GABRB1: variants seen among roughly 807,000 people sequenced by gnomAD.
The protein encoded by GABRB1 is gamma-aminobutyric acid type A receptor subunit beta1, also known as gamma-aminobutyric acid receptor subunit beta-1.
A neutral mutation model predicts 51.6 loss-of-function variants in GABRB1; 17 were observed. The ratio of observed to expected loss-of-function variants is 0.33; its 90% CI spans 0.23 to 0.49. The LOEUF is 0.49. Among genes scored for constraint, GABRB1 ranks in the 20% least tolerant of loss-of-function variants. The pLI is 0.99. For missense variants in GABRB1, 410 were observed against 600.6 expected, an observed-to-expected ratio of 0.68 and a Z score of 3.32; for synonymous variants, 247 against 218.9, an observed-to-expected ratio of 1.13 and a Z score of -1.14.
intron 5 of GABRB1, among the ~76,000 whole-genome samples, chr4:47,369,240 A>G (rs1165879364): frequency 6.6e-6 from 1 of 152,212 alleles, no homozygotes; most frequent in East Asian, 1.9e-4. Flanking sequence ...GACAGAGGAT[A>G]GGACTGGGGA....
At chr4:47,329,676 T>C (rs763384624) in intron 5 of GABRB1, among the ~76,000 whole-genome samples, 5 of 148,454 alleles carry the variant, frequency 3.4e-5, no homozygotes, top group African/African-American at 7.4e-5. Flanking sequence ...ATATAAAATA[T>C]ATATGTATCT....
chr4:47,189,246 G>A (rs1212549342), intron 4 of GABRB1, among the ~76,000 whole-genome samples: 2 of 151,854 alleles, frequency 1.3e-5, no homozygotes, highest in Non-Finnish European at 2.9e-5. Flanking sequence ...GGAGTGAATG[G>A]AGAGTACCAT....
chr4:47,110,864 T>C lies in GABRB1; in HGVS notation c.241-50385T>C, dbSNP rs1263904217. Among the ~76,000 whole-genome samples, 4 of 152,146 alleles carry C rather than the reference T, an allele frequency of 2.6e-5. No homozygotes were observed. The South Asian group carries it at 6.2e-4, about 24-fold the overall frequency. On this transcript the variant is annotated intron_variant, in intron 3 of 8. Transcript: ENST00000295454. Reference sequence around the variant, plus strand: ...TGAGTTTCAATTCATTCAACAAATATTTATTGAGATCTCACCATATGCCAG... The same window carrying C: ...TGAGTTTCAATTCATTCAACAAATACTTATTGAGATCTCACCATATGCCAG...
At chr4:47,294,880 C>T (rs555412371) in intron 4 of GABRB1, among the ~76,000 whole-genome samples, 46 of 152,302 alleles carry the variant, frequency 3.0e-4, no homozygotes, top group African/African-American at 9.4e-4. Context: ...ACTGACACCT[C>T]ACACGGCCGG....
At chr4:47,136,437 A>C (rs1426736024) in intron 3 of GABRB1, among the ~76,000 whole-genome samples, 1 of 152,124 alleles carries the variant, frequency 6.6e-6, no homozygotes, top group East Asian at 1.9e-4. Context: ...GTAACTGCTA[A>C]TTCAATTAAA....
At chr4:47,376,135 T>C (rs1259875925) in intron 5 of GABRB1, among the ~76,000 whole-genome samples, 1 of 152,150 alleles carries the variant, frequency 6.6e-6, no homozygotes, top group Non-Finnish European at 1.5e-5. Flanking sequence ...GACTAAAATG[T>C]TCCCAAAGGA....
At chr4:47,422,266 T>C (rs949234618) in intron 8 of GABRB1, among the ~76,000 whole-genome samples, 1 of 152,214 alleles carries the variant, frequency 6.6e-6, no homozygotes, top group African/African-American at 2.4e-5. Context: ...TTTGCCTTTC[T>C]CAATCCTTCT....
At chr4:47,050,985 G>T (rs1726324888) in intron 3 of GABRB1, among the ~76,000 whole-genome samples, 1 of 152,062 alleles carries the variant, frequency 6.6e-6, no homozygotes, top group Non-Finnish European at 1.5e-5. Context: ...CTCGGGTTTT[G>T]TGTGTGCCCT....
chr4:47,352,294 A>G (rs1363300931), intron 5 of GABRB1, among the ~76,000 whole-genome samples: 1 of 152,204 alleles, frequency 6.6e-6, no homozygotes, highest in Non-Finnish European at 1.5e-5. Context: ...AACTAAAAAG[A>G]GTCCAGGACC....
intron 1 of GABRB1, among the ~76,000 whole-genome samples, chr4:47,000,602 A>C (rs1173070308): frequency 6.6e-6 from 1 of 152,198 alleles, no homozygotes; most frequent in South Asian, 2.1e-4. Flanking sequence ...GGGCTGGCAT[A>C]ATTTGAAGGT....
intron 4 of GABRB1, among the ~76,000 whole-genome samples, chr4:47,281,791 G>A (rs2109908412): frequency 6.6e-6 from 1 of 152,212 alleles, no homozygotes; most frequent in Non-Finnish European, 1.5e-5. Context: ...AACACAGAAA[G>A]ACAAATACTA....
Position 47,421,150 on chromosome 4 carries a change from A to G in GABRB1, c.1081-4524A>G, listed in dbSNP as rs189146560. Among the ~76,000 whole-genome samples the G allele has an allele frequency of 3.8e-4, 57 of 151,166 alleles. 2 individuals carry two copies. The East Asian group carries it at 9.8e-3, about 26-fold the overall frequency. On this transcript the variant is annotated intron_variant, in intron 8 of 8. Coordinates refer to ENST00000295454, the MANE Select transcript of GABRB1 (RefSeq NM_000812.4). ...AGCTTTCATGGATAGTTGCAGAACT[A>G]GATCCATTATCTTAAATGTCAAACC... is the stretch of plus-strand genomic sequence containing the variant.
At chr4:47,136,567 G>T (rs978663301) in intron 3 of GABRB1, among the ~76,000 whole-genome samples, 2 of 151,996 alleles carry the variant, frequency 1.3e-5, no homozygotes, top group Non-Finnish European at 2.9e-5. Context: ...TGCTAAATTT[G>T]TCTAGAAGAT....
intron 4 of GABRB1, among the ~76,000 whole-genome samples, chr4:47,275,145 A>T (rs888567419): frequency 6.6e-6 from 1 of 152,188 alleles, no homozygotes; most frequent in African/African-American, 2.4e-5. Flanking sequence ...GAGGAAAACC[A>T]CAAAGGCCAC....
At chr4:47,111,391 T>C (rs1233784351) in intron 3 of GABRB1, among the ~76,000 whole-genome samples, 1 of 151,808 alleles carries the variant, frequency 6.6e-6, no homozygotes, top group Non-Finnish European at 1.5e-5. Context: ...AGAATATAGA[T>C]ATATCTATAA....
At chr4:47,154,583 G>A (rs575599810) in intron 3 of GABRB1, among the ~76,000 whole-genome samples, 2 of 152,120 alleles carry the variant, frequency 1.3e-5, no homozygotes, top group African/African-American at 4.8e-5. Context: ...TATTGGTAAT[G>A]AGATTCTGAT....
intron 4 of GABRB1, among the ~76,000 whole-genome samples, chr4:47,163,699 A>G (rs1718057563): frequency 6.6e-6 from 1 of 152,014 alleles, no homozygotes; most frequent in East Asian, 1.9e-4. Context: ...AATTTTAAAG[A>G]AAAAAGAAAC....
chr4:47,150,220 C>T (rs1717368927), intron 3 of GABRB1, among the ~76,000 whole-genome samples: 1 of 137,406 alleles, frequency 7.3e-6, no homozygotes, highest in African/African-American at 2.7e-5. Context: ...CACACACGCA[C>T]ACAGTTATTT....
intron 5 of GABRB1, among the ~76,000 whole-genome samples, chr4:47,325,016 C>T (rs1401044201): frequency 6.6e-6 from 1 of 152,188 alleles, no homozygotes; most frequent in Non-Finnish European, 1.5e-5. Flanking sequence ...TTACTTTTTA[C>T]CTGGACCATT....
Sources: allele counts gnomAD v4.1 joint callset (sites outside exome capture counted in the v4.1 genomes callset), GRCh38; gene constraint gnomAD v4.1.1; transcripts MANE v1.5; gene names NCBI Gene and HGNC (gene_info 2026-07-23, HGNC 2026-07-21).